Variants in KCTD10 observed in about 807,000 individuals in gnomAD.
KCTD10 encodes potassium channel tetramerization domain containing 10, also known as BTB/POZ domain-containing adapter for CUL3-mediated RhoA degradation protein 3.
In KCTD10, 13 loss-of-function variants were observed where a neutral mutation model predicts 34.6. The observed-to-expected ratio is 0.38, with a 90% CI of 0.24 to 0.60. The LOEUF is 0.60. Ranked by LOEUF, KCTD10 falls within the 20% of genes least tolerant of loss-of-function variation. KCTD10 has a pLI of 0.66. For missense variants in KCTD10, 256 were observed against 420.3 expected (o/e 0.61, Z 3.42); for synonymous variants, 156 against 168.8 (o/e 0.92, Z 0.59).
In KCTD10 at chr12:109,460,748, C is replaced by T; in HGVS notation, c.275G>A (p.Arg92Gln). The T allele has an allele frequency of 1.9e-6, 3 of 1,614,174 alleles. No individual in the cohort carries two copies. Among genetic ancestry groups the T allele is most frequent in the Non-Finnish European group, 2.5e-6 (3 of 1,180,016 alleles). ...CTCGGGTAAAGGCACCGCCCCGTCTCGAAGGTAGTTGAGTATCGTACCAAA... is the reference window on the plus strand; with the variant it reads ...CTCGGGTAAAGGCACCGCCCCGTCTTGAAGGTAGTTGAGTATCGTACCAAA... ...KHFGTILNYL[R>Q]DGAVPLPESR... The change falls in exon 3 of 7, where the codon CGA becomes CAA. Residue 92 changes from arginine to glutamine, a missense_variant. Physicochemically the swap from Arg to Gln is conservative, Grantham distance 43. Around this residue, in one of 3 missense-constraint regions of KCTD10, gnomAD observed 155 missense variants for 207.0 expected, o/e 0.75. Transcript: ENST00000228495. This position sits in a 1 kb window ranked among gnomAD's most constrained non-coding sequence, Gnocchi z 4.5.
chr12:109,461,706 C>G (rs1873337853), intron 2 of KCTD10, among the ~76,000 whole-genome samples: 1 of 152,152 alleles, frequency 6.6e-6, no homozygotes, highest in Non-Finnish European at 1.5e-5. Context: ...AAAAGGAAGG[C>G]AGGAATGGAG....
chr12:109,474,528 G>A (rs1433053152), intron 1 of KCTD10, among the ~76,000 whole-genome samples: 1 of 152,030 alleles, frequency 6.6e-6, no homozygotes, highest in African/African-American at 2.4e-5. Context: ...TAATTGGTCC[G>A]GGATGTGGAC....
intron 5 of KCTD10, 50 bp downstream of exon 5, chr12:109,457,580 G>C: frequency 1.3e-6 from 2 of 1,547,372 alleles, no homozygotes; most frequent in Non-Finnish European, 1.8e-6. Flanking sequence ...GCTGGTGTGA[G>C]TGGAGGTTTT....
Position 109,448,909 on chromosome 12 carries a change from C to G in KCTD10, c.*2686G>C, listed in dbSNP as rs193286364. 1 of 152,268 alleles carries G rather than the reference C, an allele frequency of 6.6e-6. No individual in the cohort carries two copies. The highest frequency in any genetic ancestry group is 6.5e-5 in the Admixed American group (1 of 15,290). 9.4% of individuals were successfully genotyped at this position (152,268 alleles called of 1,614,324 possible). A position where few individuals can be genotyped will look rare whatever the true frequency, so the allele number is the denominator to read the frequency against. ...ACACTTTAACTGGGGAATGGGGTCC[C>G]CACACAGTGATCGCCCCACGGGAGG... On this transcript the variant is annotated 3_prime_UTR_variant, in exon 7 of 7. Coordinates refer to ENST00000228495, the MANE Select transcript of KCTD10 (RefSeq NM_031954.5).
At position 109,456,197 on chromosome 12, in the gene KCTD10, G is replaced by C; in HGVS notation, c.644C>G (p.Ser215Cys). ...AATCTTCCGGCCCTGACCATAAAAG[G>C]ACCAGCAGCAGATTTCATCCCCAAT... ...DVIGDEICCW[S>C]FYGQGRKIAE... Residue 215 changes from serine (S) to cysteine (C), a missense_variant, in exon 6 of 7, where the codon TCC (serine) becomes TGC (cysteine). Physicochemically the swap from Ser to Cys is moderately radical, Grantham distance 112. Transcript: ENST00000228495. 6.2e-7 allele frequency: 1 copy of C among 1,614,150 alleles called. No individual in the cohort carries two copies. The highest frequency in any genetic ancestry group is 8.5e-7 in the Non-Finnish European group (1 of 1,180,030).
chr12:109,466,812 C>T (rs1001827929), intron 2 of KCTD10, among the ~76,000 whole-genome samples: 2 of 152,384 alleles, frequency 1.3e-5, no homozygotes, highest in Non-Finnish European at 1.5e-5. Context: ...CTGAGCTGCA[C>T]TTGGCATTTC....
intron 1 of KCTD10, among the ~76,000 whole-genome samples, chr12:109,473,772 T>C (rs1592850245): frequency 6.8e-6 from 1 of 147,468 alleles, no homozygotes; most frequent in African/African-American, 2.5e-5. Flanking sequence ...CTGTTGCTAC[T>C]GGAATCCTGC....
Position 109,451,689 on chromosome 12 carries a change from T to A in KCTD10, c.848A>T (p.His283Leu), listed in dbSNP as rs1036827102. The A allele has an allele frequency of 1.9e-6, 3 of 1,613,708 alleles. No homozygotes were observed. Among genetic ancestry groups the A allele is most frequent in the Admixed American group, 3.3e-5 (2 of 59,986 alleles). Reference sequence around the variant, plus strand: ...CCGCTCCTCGTCCTCGTCCAGGTGGTGGGAGCGCCCCGCCGCCCCGCCTGT... The same window carrying A: ...CCGCTCCTCGTCCTCGTCCAGGTGGAGGGAGCGCCCCGCCGCCCCGCCTGT... ...EATGGAAGRS[H>L]HLDEDEERER... The change falls in exon 7 of 7, where the codon CAC becomes CTC. Residue 283 changes from histidine (H) to leucine (L), a missense_variant. His to Leu is a moderately conservative substitution (Grantham distance 99). Transcript: ENST00000228495. This position sits in a 1 kb window ranked among gnomAD's most constrained non-coding sequence, Gnocchi z 5.0.
Position 109,449,223 on chromosome 12 carries a change from T to A in KCTD10, c.*2372A>T, listed in dbSNP as rs1402317496. On this transcript the variant is annotated 3_prime_UTR_variant, in exon 7 of 7. Transcript: ENST00000228495. The stretch of plus-strand genomic sequence containing the variant: ...CAATAACAGAGCTTGGACCAGCCAA[T>A]GCTGTCTATTCACTCATGGCTATAA... 1 of 152,232 alleles carries A rather than the reference T, an allele frequency of 6.6e-6. No homozygotes were observed. Among genetic ancestry groups the A allele is most frequent in the Non-Finnish European group, 1.5e-5 (1 of 68,042 alleles). 9.4% of individuals were successfully genotyped at this position (152,232 alleles called of 1,614,324 possible). A position where few individuals can be genotyped will look rare whatever the true frequency, so the allele number is the denominator to read the frequency against.
chr12:109,459,094 T>A (rs1873179362), intron 3 of KCTD10: 1 of 152,088 alleles, frequency 6.6e-6, no homozygotes. Context: ...AACAGAATCA[T>A]CAGACAGTTG....
chr12:109,453,138 G>A (rs747989469), intron 6 of KCTD10, among the ~76,000 whole-genome samples: 1 of 152,162 alleles, frequency 6.6e-6, no homozygotes, highest in Non-Finnish European at 1.5e-5. Flanking sequence ...ATAGCTCACT[G>A]CAGCCTTGAA....
intron 5 of KCTD10, 190 bp downstream of exon 5, chr12:109,457,440 T>G: frequency 1.7e-6 from 1 of 584,826 alleles, no homozygotes; most frequent in Non-Finnish European, 3.1e-6. Context: ...TCTAGAAAGA[T>G]GACTTTTATG....
chr12:109,452,408 C>A (rs966309340), intron 6 of KCTD10, among the ~76,000 whole-genome samples: 1 of 152,182 alleles, frequency 6.6e-6, no homozygotes, highest in Non-Finnish European at 1.5e-5. Flanking sequence ...AGCCCTTCTG[C>A]TGTTTGGCAA....
intron 4 of KCTD10, 66 bp from the exon 5 acceptor site, chr12:109,457,748 T>A (rs1033645068): frequency 1.3e-6 from 2 of 1,516,514 alleles, no homozygotes; most frequent in African/African-American, 2.7e-5. Context: ...AACTACTAGC[T>A]TCCCATAGGG....
chr12:109,454,905 G>C (rs1204173525), intron 6 of KCTD10, among the ~76,000 whole-genome samples: 1 of 152,126 alleles, frequency 6.6e-6, no homozygotes, highest in East Asian at 1.9e-4. Flanking sequence ...AAAATGAGAA[G>C]TCTTAATCTT....
At chr12:109,470,412 A>G in intron 1 of KCTD10, 1 of 985,492 alleles carries the variant, frequency 1.0e-6, no homozygotes, top group Non-Finnish European at 1.2e-6. Flanking sequence ...AGATCCCACT[A>G]CCATCTCCCT....
In KCTD10 at chr12:109,451,947, T is replaced by C; in HGVS notation, c.724-134A>G. On this transcript the variant is annotated intron_variant, in intron 6 of 6. Coordinates refer to ENST00000228495, the MANE Select transcript of KCTD10 (RefSeq NM_031954.5). This position sits in a 1 kb window ranked among gnomAD's most constrained non-coding sequence, Gnocchi z 5.0. The stretch of plus-strand genomic sequence containing the variant: ...GAAGGCCACCAGTATTATTTTTAAA[T>C]AAACTGATATTTTCAATGGCAACAC... 1.6e-6 allele frequency: 1 copy of C among 640,422 alleles called. No individual in the cohort carries two copies. The highest frequency in any genetic ancestry group is 2.5e-6 in the Non-Finnish European group (1 of 396,896). 39.7% of individuals were successfully genotyped at this position (640,422 alleles called of 1,614,324 possible). A position where few individuals can be genotyped will look rare whatever the true frequency, so the allele number is the denominator to read the frequency against.
intron 1 of KCTD10, 131 bp from the exon 2 acceptor site, chr12:109,469,859 A>G: frequency 6.9e-7 from 1 of 1,448,364 alleles, no homozygotes; most frequent in Non-Finnish European, 9.1e-7. Flanking sequence ...TTTGCTTCCA[A>G]TGTGGACAAC....
chr12:109,461,877 G>C (rs1873346923), intron 2 of KCTD10, among the ~76,000 whole-genome samples: 1 of 152,248 alleles, frequency 6.6e-6, no homozygotes, highest in South Asian at 2.1e-4. Context: ...CCAGTGCGCA[G>C]GGCCGTGAGA....
Sources: gnomAD v4.1 joint callset for allele counts (sites outside exome capture counted in the v4.1 genomes callset) on GRCh38, gnomAD v4.1.1 for gene constraint, gnomAD v4.1.1 regional missense constraint, Gnocchi (gnomAD v3.1) non-coding constraint, MANE v1.5 for transcripts, NCBI Gene and HGNC (gene_info 2026-07-23, HGNC 2026-07-21) for gene names.